Variants in IMPG1 observed in about 807,000 individuals in gnomAD.
IMPG1 encodes interphotoreceptor matrix proteoglycan of 150 kDa.
A neutral mutation model predicts 92.0 loss-of-function variants in IMPG1; 85 were observed. The observed-to-expected ratio is 0.92, with a 90% CI of 0.78 to 1.11. The LOEUF (loss-of-function observed/expected upper bound fraction) is 1.11. Among genes scored for constraint, IMPG1 ranks in the 50% least tolerant of loss-of-function variants. The probability of loss-of-function intolerance (pLI) is 0.00; values close to 1 mark genes in which losing one functional copy is unlikely to be tolerated. For synonymous variants in IMPG1, 367 were observed against 334.1 expected, an observed-to-expected ratio of 1.10 and a Z score of -1.08; for missense variants, 1,022 against 956.0, an observed-to-expected ratio of 1.07 and a Z score of -0.91.
chr6:76,065,043 A>G (rs1168875588), intron 1 of IMPG1, among the ~76,000 whole-genome samples: 1 of 152,076 alleles, frequency 6.6e-6, no homozygotes, highest in Non-Finnish European at 1.5e-5. Flanking sequence ...GGATGTAACT[A>G]TAATGTATAT....
chr6:76,028,288 G>T lies in IMPG1; in HGVS notation c.498-3030C>A, dbSNP rs9447590. On this transcript the variant is annotated intron_variant, in intron 4 of 16. Transcript: ENST00000369950. ...TTCAAAAGATAGTTTATAATAAGCT[G>T]CAGGACTTTAACAGGTGCTCGCAAA... Among the ~76,000 whole-genome samples the T allele has an allele frequency of 7.4e-3, 1,125 of 152,252 alleles. 11 individuals carry two copies. The highest frequency in any genetic ancestry group is 0.025 in the African/African-American group (1,032 of 41,520).
Position 75,921,802 on chromosome 6 carries a change from A to C in IMPG1, c.*287T>G. The C allele has an allele frequency of 4.2e-6, 1 of 240,606 alleles. No homozygotes were observed. The highest frequency in any genetic ancestry group is 1.4e-3 in the Middle Eastern group (1 of 726). 14.9% of individuals were successfully genotyped at this position (240,606 alleles called of 1,614,324 possible). A position where few individuals can be genotyped will look rare whatever the true frequency, so the allele number is the denominator to read the frequency against. ...GAGTAAAATTTTCAGGGAAGGTGGAAGCAAACCTGGCTTATGATCATTTTG... is the reference window on the plus strand; with the variant it reads ...GAGTAAAATTTTCAGGGAAGGTGGACGCAAACCTGGCTTATGATCATTTTG... On this transcript the variant is annotated 3_prime_UTR_variant, in exon 17 of 17. Transcript: ENST00000369950.
intron 1 of IMPG1, among the ~76,000 whole-genome samples, chr6:76,056,796 G>A (rs1784127625): frequency 6.6e-6 from 1 of 152,106 alleles, no homozygotes; most frequent in African/African-American, 2.4e-5. Flanking sequence ...TTTCATAGCT[G>A]TTGGCCATTT....
In IMPG1 at chr6:76,072,495, T is replaced by G. The variant is rs775163589; in HGVS notation, c.-7A>C. 1 of 1,567,064 alleles carries G rather than the reference T, an allele frequency of 6.4e-7. No homozygotes were observed. The stretch of plus-strand genomic sequence containing the variant: ...TTCTAGTTTCCAAATACATTCTGGC[T>G]TTTGTGCATTGGTAATTCTGATAAC... On this transcript the variant is annotated 5_prime_UTR_variant, in exon 1 of 17. Transcript: ENST00000369950.
intron 12 of IMPG1, among the ~76,000 whole-genome samples, chr6:75,971,903 C>A (rs1318761260): frequency 3.3e-5 from 5 of 152,104 alleles, no homozygotes; most frequent in Non-Finnish European, 7.4e-5. Flanking sequence ...TCCCTCATTT[C>A]TTTTTGCTGA....
At chr6:75,960,790 G>A (rs1782202428) in intron 12 of IMPG1, among the ~76,000 whole-genome samples, 1 of 152,188 alleles carries the variant, frequency 6.6e-6, no homozygotes. Context: ...AACACTAAAA[G>A]CCAAGGCCAT....
At chr6:75,983,512 T>A (rs1218479882) in intron 12 of IMPG1, among the ~76,000 whole-genome samples, 1 of 152,188 alleles carries the variant, frequency 6.6e-6, no homozygotes, top group East Asian at 1.9e-4. Flanking sequence ...TTGGGACAAC[T>A]GGCTATCCAT....
At chr6:76,061,349 C>T in intron 1 of IMPG1, among the ~76,000 whole-genome samples, 1 of 152,214 alleles carries the variant, frequency 6.6e-6, no homozygotes, top group Non-Finnish European at 1.5e-5. Flanking sequence ...TTGAATGACA[C>T]TGACTTGAGA....
At chr6:75,948,553 T>A (rs908548248) in intron 13 of IMPG1, among the ~76,000 whole-genome samples, 2 of 152,130 alleles carry the variant, frequency 1.3e-5, no homozygotes, top group Admixed American at 1.3e-4. Flanking sequence ...TAAAATGAAA[T>A]TTTAAACAAA....
intron 12 of IMPG1, among the ~76,000 whole-genome samples, chr6:75,989,051 T>C (rs2149472470): frequency 6.6e-6 from 1 of 152,328 alleles, no homozygotes; most frequent in South Asian, 2.1e-4. Flanking sequence ...TCTTCCTCCT[T>C]ACCACTGCCA....
intron 12 of IMPG1, among the ~76,000 whole-genome samples, chr6:75,956,081 G>C (rs1782115130): frequency 6.6e-6 from 1 of 152,096 alleles, no homozygotes; most frequent in Non-Finnish European, 1.5e-5. Flanking sequence ...GTCTCTGCCA[G>C]GTTTTGATAT....
At chr6:75,976,215 A>G (rs778140852) in intron 12 of IMPG1, among the ~76,000 whole-genome samples, 2 of 152,208 alleles carry the variant, frequency 1.3e-5, no homozygotes, top group Non-Finnish European at 2.9e-5. Context: ...ATTTCTTAAC[A>G]TTTGCCAAAG....
intron 7 of IMPG1, among the ~76,000 whole-genome samples, chr6:76,012,843 G>C (rs1783211332): frequency 6.6e-6 from 1 of 152,142 alleles, no homozygotes; most frequent in Non-Finnish European, 1.5e-5. Context: ...TTCTTCCCAA[G>C]TCTGCCTTTG....
At chr6:76,019,858 C>G (rs904978587) in intron 6 of IMPG1, among the ~76,000 whole-genome samples, 2 of 151,920 alleles carry the variant, frequency 1.3e-5, no homozygotes, top group Admixed American at 6.6e-5. Context: ...GGATATTTAA[C>G]CAGAGAGAAG....
chr6:75,935,985 A>G (rs1781737913), intron 14 of IMPG1, among the ~76,000 whole-genome samples: 1 of 152,202 alleles, frequency 6.6e-6, no homozygotes, highest in African/African-American at 2.4e-5. Flanking sequence ...CTGAGGGTTC[A>G]TCTGAGATGT....
intron 4 of IMPG1, among the ~76,000 whole-genome samples, chr6:76,026,199 T>C (rs984858116): frequency 1.3e-5 from 2 of 152,204 alleles, no homozygotes; most frequent in African/African-American, 2.4e-5. Flanking sequence ...AAAACCCTGC[T>C]TTACTCACCC....
At chr6:75,973,254 A>T (rs1483823311) in intron 12 of IMPG1, among the ~76,000 whole-genome samples, 1 of 152,148 alleles carries the variant, frequency 6.6e-6, no homozygotes, top group African/African-American at 2.4e-5. Flanking sequence ...TGTCCGGATT[A>T]CAGGCATGAG....
In IMPG1 at chr6:75,930,939, C is replaced by T; in HGVS notation, c.2243+14G>A. 2 of 1,611,754 alleles carry T rather than the reference C, an allele frequency of 1.2e-6. No homozygotes were observed. The highest frequency in any genetic ancestry group is 1.3e-5 in the African/African-American group (1 of 74,996). On this transcript the variant is annotated intron_variant, in intron 15 of 16. Transcript: ENST00000369950. Reference sequence around the variant, plus strand: ...TGAGTTCTTGAGTCTGTGACGTTAGCATGCTTGACCCACCTGCATGGAGCT... The same window carrying T: ...TGAGTTCTTGAGTCTGTGACGTTAGTATGCTTGACCCACCTGCATGGAGCT...
intron 8 of IMPG1, among the ~76,000 whole-genome samples, chr6:76,009,738 T>C (rs1582101636): frequency 2.6e-5 from 4 of 152,250 alleles, no homozygotes; most frequent in African/African-American, 9.6e-5. Context: ...CTTTAAAATA[T>C]TTACCTTGTA....
Sources: gnomAD v4.1 joint callset for allele counts (sites outside exome capture counted in the v4.1 genomes callset) on GRCh38, gnomAD v4.1.1 for gene constraint, MANE v1.5 for transcripts, NCBI Gene and HGNC (gene_info 2026-07-23, HGNC 2026-07-21) for gene names.